The following KLHL29 variants were observed in gnomAD, a reference collection of about 807,000 sequenced individuals.
KLHL29 encodes kelch like family member 29.
KLHL29 carries 21 observed loss-of-function variants against 80.4 expected under a neutral mutation model. The ratio of observed to expected loss-of-function variants is 0.26; its 90% CI spans 0.19 to 0.38. The LOEUF is 0.38. Among genes scored for constraint, KLHL29 ranks in the 10% least tolerant of loss-of-function variants. KLHL29 has a pLI of 1.00. For missense variants in KLHL29, 867 were observed against 1,223.9 expected (o/e 0.71, Z 4.35); for synonymous variants, 511 against 526.8 (o/e 0.97, Z 0.41).
intron 2 of KLHL29, among the ~76,000 whole-genome samples, chr2:23,486,676 A>G (rs549033332): frequency 6.6e-6 from 1 of 152,344 alleles, no homozygotes; most frequent in Admixed American, 6.5e-5. Context: ...CCAATAAACA[A>G]TAATCCATTT....
At chr2:23,544,431 C>T (rs1479189416) in intron 2 of KLHL29, among the ~76,000 whole-genome samples, 2 of 152,220 alleles carry the variant, frequency 1.3e-5, no homozygotes, top group Non-Finnish European at 1.5e-5. Flanking sequence ...TTCTGTGCCT[C>T]AGTTTCCTAA....
chr2:23,478,555 G>A (rs1558352930), intron 2 of KLHL29, among the ~76,000 whole-genome samples: 1 of 152,206 alleles, frequency 6.6e-6, no homozygotes, highest in Non-Finnish European at 1.5e-5. Flanking sequence ...AACCAGCTAG[G>A]AGGAGTGAAA....
At chr2:23,634,058 G>T (rs563813938) in intron 3 of KLHL29, among the ~76,000 whole-genome samples, 1 of 152,134 alleles carries the variant, frequency 6.6e-6, no homozygotes, top group South Asian at 2.1e-4. Flanking sequence ...ACGGCTCCCT[G>T]GTGTAGGTGT....
chr2:23,518,323 G>A (rs899137345), intron 2 of KLHL29, among the ~76,000 whole-genome samples: 32 of 152,206 alleles, frequency 2.1e-4, no homozygotes, highest in African/African-American at 7.7e-4. Flanking sequence ...AGATGTAAGC[G>A]TTGGAGCCTA....
At chr2:23,689,494 C>T (rs1025263654) in intron 6 of KLHL29, 2 of 152,512 alleles carry the variant, frequency 1.3e-5, no homozygotes, top group African/African-American at 4.8e-5. Context: ...CTTCACGGCT[C>T]TTAGGGTCAG....
At chr2:23,451,123 G>C (rs1663867076) in intron 1 of KLHL29, among the ~76,000 whole-genome samples, 1 of 152,202 alleles carries the variant, frequency 6.6e-6, no homozygotes, top group Admixed American at 6.5e-5. Flanking sequence ...CCAGATGGCT[G>C]AGTTTGAATC....
At chr2:23,676,714 AAG>A (rs542380908) in intron 5 of KLHL29, among the ~76,000 whole-genome samples, 11 of 152,354 alleles carry the variant, frequency 7.2e-5, no homozygotes, top group Admixed American at 2.0e-4. Context: ...CAAAGGCAGA[AAG>A]AGAAACATTC....
rs111925463 is a variant in KLHL29, at chr2:23,702,871, G to A, written c.2106-315G>A. On this transcript the variant is annotated intron_variant, in intron 11 of 13. Transcript: ENST00000486442. Reference sequence around the variant, plus strand: ...TCAGTCCAGCATTGCGGAATGCAAGGGTAGGACTGAGCTGGATAGAGAGGA... The same window carrying A: ...TCAGTCCAGCATTGCGGAATGCAAGAGTAGGACTGAGCTGGATAGAGAGGA... Among the ~76,000 whole-genome samples the A allele has an allele frequency of 2.0e-3, 278 of 142,546 alleles. 2 individuals are homozygous for A. Among genetic ancestry groups the A allele is most frequent in the African/African-American group, 6.7e-3 (265 of 39,460 alleles). The allele number at this position is 142,546 out of a possible 152,430, so 93.5% of individuals were successfully genotyped here. A position where few individuals can be genotyped will look rare whatever the true frequency, so the allele number is the denominator to read the frequency against.
At chr2:23,440,031 T>C (rs10200797) in intron 1 of KLHL29, among the ~76,000 whole-genome samples, 65,100 of 148,428 alleles carry the variant, frequency 0.44, 15,103 homozygotes, top group African/African-American at 0.59. Flanking sequence ...AGAGTTAGCT[T>C]TTCTTGTTGA....
At chr2:23,523,755 T>C (rs1403871891) in intron 2 of KLHL29, among the ~76,000 whole-genome samples, 1 of 152,202 alleles carries the variant, frequency 6.6e-6, no homozygotes, top group Non-Finnish European at 1.5e-5. Context: ...TTCATCTCTT[T>C]GCAAGAGCCA....
Position 23,706,574 on chromosome 2 carries a change from A to T in KLHL29, c.2538A>T (p.Thr846=). Residue 846 remains threonine, a synonymous_variant, in exon 14 of 14, where the codon ACA becomes ACT. Transcript: ENST00000486442. Reference sequence around the variant, plus strand: ...GCAACATGGAGGCCTACGAGCCCACAACCAACACATGGACCCTCCTCCCCC... The same window carrying T: ...GCAACATGGAGGCCTACGAGCCCACTACCAACACATGGACCCTCCTCCCCC... ...ALGNMEAYEP[T]TNTWTLLPHM... The T allele has an allele frequency of 6.5e-7, 1 of 1,537,258 alleles. No individual in the cohort carries two copies. The highest frequency in any genetic ancestry group is 8.7e-7 in the Non-Finnish European group (1 of 1,146,914).
At chr2:23,511,029 T>C (rs1665756255) in intron 2 of KLHL29, among the ~76,000 whole-genome samples, 1 of 152,220 alleles carries the variant, frequency 6.6e-6, no homozygotes, top group African/African-American at 2.4e-5. Context: ...AGACAGGGTG[T>C]GGCTTACAGA....
At chr2:23,482,722 C>T (rs922958626) in intron 2 of KLHL29, among the ~76,000 whole-genome samples, 1 of 152,188 alleles carries the variant, frequency 6.6e-6, no homozygotes, top group Non-Finnish European at 1.5e-5. Flanking sequence ...CCAACTCCAC[C>T]CCTGTCTCTC....
intron 3 of KLHL29, among the ~76,000 whole-genome samples, chr2:23,608,297 A>G (rs1282201966): frequency 1.3e-5 from 2 of 152,190 alleles, no homozygotes; most frequent in African/African-American, 2.4e-5. Flanking sequence ...TCTCCTAAAC[A>G]TATCTATAGC....
chr2:23,485,649 C>T (rs1664915240), intron 2 of KLHL29, among the ~76,000 whole-genome samples: 1 of 152,114 alleles, frequency 6.6e-6, no homozygotes, highest in Non-Finnish European at 1.5e-5. Flanking sequence ...TCAGAGGGTC[C>T]TCACGGCCTT....
At chr2:23,467,105 G>A (rs1664373930) in intron 1 of KLHL29, among the ~76,000 whole-genome samples, 1 of 152,126 alleles carries the variant, frequency 6.6e-6, no homozygotes, top group South Asian at 2.1e-4. Context: ...CCTGCCTTTG[G>A]TGACCCTGCC....
chr2:23,439,795 G>T (rs569336262), intron 1 of KLHL29, among the ~76,000 whole-genome samples: 4,166 of 152,012 alleles, frequency 0.027, 90 homozygotes, highest in Non-Finnish European at 0.044. Context: ...CTGTTGATTT[G>T]GGGTGGAGAG....
chr2:23,495,895 C>T (rs893816600), intron 2 of KLHL29, among the ~76,000 whole-genome samples: 1 of 152,258 alleles, frequency 6.6e-6, no homozygotes, highest in Non-Finnish European at 1.5e-5. Flanking sequence ...GCAGACTAAT[C>T]CTAGCACCAG....
At chr2:23,614,086 GA>G (rs1421790282) in intron 3 of KLHL29, among the ~76,000 whole-genome samples, 2 of 152,164 alleles carry the variant, frequency 1.3e-5, no homozygotes, top group African/African-American at 4.8e-5. Flanking sequence ...GCCTCCTTTG[GA>G]AAGGCTAATC....
Sources: allele counts gnomAD v4.1 joint callset (sites outside exome capture counted in the v4.1 genomes callset), GRCh38; gene constraint gnomAD v4.1.1; transcripts MANE v1.5; gene names NCBI Gene and HGNC (gene_info 2026-07-23, HGNC 2026-07-21).